Variants in GRAMD4 observed in about 807,000 individuals in gnomAD.
GRAMD4 encodes the protein GRAM domain-containing protein 4.
In GRAMD4, 25 loss-of-function variants were observed where a neutral mutation model predicts 83.9. The observed-to-expected ratio is 0.30, with a 90% CI of 0.22 to 0.42. The LOEUF (loss-of-function observed/expected upper bound fraction) is 0.42, where lower values mean the gene tolerates loss of function less well. Ranked by LOEUF, GRAMD4 falls within the 10% of genes least tolerant of loss-of-function variation. The probability of loss-of-function intolerance (pLI) is 1.00; values close to 1 mark genes in which losing one functional copy is unlikely to be tolerated. For synonymous variants in GRAMD4, 336 were observed against 320.9 expected (o/e 1.05, Z -0.50); for missense variants, 593 against 788.7 (o/e 0.75, Z 2.97).
At chr22:46,668,294 G>C in intron 11 of GRAMD4, 127 bp downstream of exon 11, 1 of 650,574 alleles carries the variant, frequency 1.5e-6, no homozygotes, top group Non-Finnish European at 2.7e-6. Context: ...GGCCGTGCCT[G>C]ACACTGCAGG....
intron 1 of GRAMD4, among the ~76,000 whole-genome samples, chr22:46,610,519 G>C (rs555398874): frequency 6.6e-6 from 1 of 152,356 alleles, no homozygotes; most frequent in Non-Finnish European, 1.5e-5. Context: ...GGTGTTCACC[G>C]CCCGGCCTCT....
intron 1 of GRAMD4, among the ~76,000 whole-genome samples, chr22:46,591,116 C>T (rs2081203087): frequency 6.6e-6 from 1 of 152,138 alleles, no homozygotes; most frequent in Non-Finnish European, 1.5e-5. Flanking sequence ...AAGGCAAGAG[C>T]CCTGGAATGG....
chr22:46,647,578 G>GT (rs2082089340), intron 3 of GRAMD4, among the ~76,000 whole-genome samples: 1 of 152,254 alleles, frequency 6.6e-6, no homozygotes, highest in African/African-American at 2.4e-5. Flanking sequence ...CTGCCTGTGT[G>GT]TTTTGCAACG....
intron 3 of GRAMD4, among the ~76,000 whole-genome samples, chr22:46,648,056 A>T (rs977614113): frequency 6.6e-6 from 1 of 152,182 alleles, no homozygotes; most frequent in Non-Finnish European, 1.5e-5. Flanking sequence ...GCACAACTTT[A>T]TGTGTGTCTA....
intron 1 of GRAMD4, among the ~76,000 whole-genome samples, chr22:46,583,605 TTGTC>T (rs1602288684): frequency 1.3e-5 from 2 of 152,348 alleles, no homozygotes; most frequent in South Asian, 4.1e-4. Context: ...CCATTGGAAT[TTGTC>T]TGTTTGAACA....
Position 46,673,834 on chromosome 22 carries a change from G to C in GRAMD4, c.1384+20G>C. On this transcript the variant is annotated intron_variant, in intron 15 of 18. Coordinates refer to ENST00000406902, the MANE Select transcript of GRAMD4 (RefSeq NM_015124.5). Reference sequence around the variant, plus strand: ...TGGCGGGTATGTGTGCCGTGAGTCTGAGGCCAGGCCGAGCGCCGACACAGA... The same window carrying C: ...TGGCGGGTATGTGTGCCGTGAGTCTCAGGCCAGGCCGAGCGCCGACACAGA... 1 of 1,612,054 alleles carries C rather than the reference G, an allele frequency of 6.2e-7. No individual in the cohort carries two copies. Among genetic ancestry groups the C allele is most frequent in the South Asian group, 1.1e-5 (1 of 91,064 alleles).
intron 11 of GRAMD4, 36 bp from the exon 12 acceptor site, chr22:46,668,653 G>A (rs372093783): frequency 2.8e-4 from 451 of 1,595,604 alleles, no homozygotes; most frequent in Non-Finnish European, 3.7e-4. Context: ...GCCCAGGAGC[G>A]GGGGCTGTTG....
chr22:46,577,234 C>T, exon 1 of GRAMD4: 1 of 970,656 alleles, frequency 1.0e-6, no homozygotes, highest in South Asian at 4.7e-5. Flanking sequence ...GGCCGGGCGG[C>T]CGGCGAGGGG....
At chr22:46,592,424 A>G (rs2081218717) in intron 1 of GRAMD4, among the ~76,000 whole-genome samples, 1 of 151,826 alleles carries the variant, frequency 6.6e-6, no homozygotes, top group Non-Finnish European at 1.5e-5. Flanking sequence ...AGCCTGGGAA[A>G]CATAGGGAGG....
At chr22:46,626,368 C>T (rs1020087999) in intron 1 of GRAMD4, among the ~76,000 whole-genome samples, 4 of 152,144 alleles carry the variant, frequency 2.6e-5, no homozygotes, top group Admixed American at 6.5e-5. Flanking sequence ...CTTGCGCCTG[C>T]GCGCCGCCTC....
chr22:46,644,611 A>AGGTTACACCTGTCCCTGTTCTG (rs1441759772), intron 3 of GRAMD4, among the ~76,000 whole-genome samples: 1 of 147,846 alleles, frequency 6.8e-6, no homozygotes, highest in Non-Finnish European at 1.5e-5. Context: ...TCCCTGTTCC[A>AGGTTACACCTGTCCCTGTTCTG]GGTTACACCT....
chr22:46,627,232 G>A (rs13053318), intron 2 of GRAMD4, among the ~76,000 whole-genome samples: 15,724 of 152,338 alleles, frequency 0.1, 1,047 homozygotes, highest in Middle Eastern at 0.17. Context: ...GACTTCTCAC[G>A]CACATGTGAC....
At chr22:46,657,781 A>T (rs1353821501) in intron 3 of GRAMD4, among the ~76,000 whole-genome samples, 1 of 152,170 alleles carries the variant, frequency 6.6e-6, no homozygotes, top group Non-Finnish European at 1.5e-5. Context: ...CTCACCCAGC[A>T]CATGGAGGCG....
chr22:46,643,173 A>T (rs1354278003), intron 3 of GRAMD4, among the ~76,000 whole-genome samples: 1 of 133,098 alleles, frequency 7.5e-6, no homozygotes, highest in African/African-American at 3.2e-5. Flanking sequence ...CCATCCATCC[A>T]TCCATCCATC....
intron 1 of GRAMD4, among the ~76,000 whole-genome samples, chr22:46,614,539 T>C (rs530059897): frequency 6.6e-6 from 1 of 152,324 alleles, no homozygotes; most frequent in South Asian, 2.1e-4. Context: ...TTGTGGTTTG[T>C]AAACGGAAAC....
In GRAMD4 at chr22:46,677,702, G is replaced by A. The variant is rs1045752706; in HGVS notation, c.*451G>A. On this transcript the variant is annotated 3_prime_UTR_variant, in exon 19 of 19. Transcript: ENST00000406902. ...AAGAGTGCGGGGCCCTTCCTCCTGGGGACAGAAAGATGTCGTCAAGGAGGG... is the reference window on the plus strand; with the variant it reads ...AAGAGTGCGGGGCCCTTCCTCCTGGAGACAGAAAGATGTCGTCAAGGAGGG... The A allele has an allele frequency of 4.3e-5, 42 of 986,694 alleles. No homozygotes were observed. The African/African-American group carries it at 6.6e-4, about 16-fold the overall frequency. 61.1% of individuals were successfully genotyped at this position (986,694 alleles called of 1,614,324 possible).
At chr22:46,651,220 C>T (rs1046608799) in intron 3 of GRAMD4, among the ~76,000 whole-genome samples, 2 of 152,248 alleles carry the variant, frequency 1.3e-5, no homozygotes, top group Non-Finnish European at 2.9e-5. Flanking sequence ...TAGGTTCCGA[C>T]TCACTCCTTG....
intron 3 of GRAMD4, among the ~76,000 whole-genome samples, chr22:46,638,406 GA>G (rs993152750): frequency 6.6e-6 from 1 of 152,282 alleles, no homozygotes; most frequent in Non-Finnish European, 1.5e-5. Context: ...GTGTCTCCAG[GA>G]GGGAGGTGGG....
rs1205468665 is a variant in GRAMD4 at position 46,621,283 on chromosome 22, C to A, written c.-50+718C>A. On this transcript the variant is annotated intron_variant, in intron 1 of 18. Transcript: ENST00000406902. This position sits in a 1 kb window ranked among gnomAD's most constrained non-coding sequence, Gnocchi z 5.8. ...CCTGCATCTGTAAGTTGGGCGTGTG[C>A]TGGGTAATAGTGTCCTCCCCCAAAA... Among the ~76,000 whole-genome samples the A allele has an allele frequency of 6.6e-6, 1 of 152,162 alleles. No individual in the cohort carries two copies. Among genetic ancestry groups the A allele is most frequent in the African/African-American group, 2.4e-5 (1 of 41,422 alleles).
Sources: allele counts gnomAD v4.1 joint callset (sites outside exome capture counted in the v4.1 genomes callset), GRCh38; gene constraint gnomAD v4.1.1; non-coding constraint Gnocchi (gnomAD v3.1); transcripts MANE v1.5; gene names NCBI Gene and HGNC (gene_info 2026-07-23, HGNC 2026-07-21).